Variants in THADA observed in about 807,000 individuals in gnomAD.
The protein encoded by THADA is tRNA (32-2'-O)-methyltransferase regulator THADA.
THADA carries 213 observed loss-of-function variants against 219.8 expected under a neutral mutation model. That is an observed-to-expected ratio of 0.97 (90% CI 0.87 to 1.09). THADA has a LOEUF of 1.09. Ranked by LOEUF, THADA falls within the 50% of genes least tolerant of loss-of-function variation. THADA has a pLI of 0.00. For synonymous variants in THADA, 1,018 were observed against 828.9 expected, an observed-to-expected ratio of 1.23 and a Z score of -3.92; for missense variants, 2,956 against 2,311.3, an observed-to-expected ratio of 1.28 and a Z score of -5.72.
chr2:43,460,238 T>TTAAA (rs1683465206), intron 26 of THADA, among the ~76,000 whole-genome samples: 1 of 63,514 alleles, frequency 1.6e-5, no homozygotes, highest in Non-Finnish European at 2.9e-5. Flanking sequence ...TTTCTCTTAA[T>TTAAA]AAAAAAAAAA....
intron 31 of THADA, among the ~76,000 whole-genome samples, chr2:43,317,566 C>G (rs1678225924): frequency 6.6e-6 from 1 of 152,176 alleles, no homozygotes; most frequent in Non-Finnish European, 1.5e-5. Context: ...TTTTGGGGAA[C>G]AATTTATAAA....
chr2:43,344,244 CA>C lies in THADA; in HGVS notation c.4228-8del, dbSNP rs773001861. The C allele has an allele frequency of 6.4e-7, 1 of 1,561,968 alleles. No individual in the cohort carries two copies. The highest frequency in any genetic ancestry group is 8.7e-7 in the Non-Finnish European group (1 of 1,152,798). On this transcript the variant is annotated splice_region_variant and splice_polypyrimidine_tract_variant and intron_variant, in intron 29 of 37. Transcript: ENST00000405975. Reference sequence around the variant, plus strand: ...CTTGCAACAAATGAAAAACCTAAACCAAAAAAGAAAAAAAAATCCTGCTGTG... The same window carrying C: ...CTTGCAACAAATGAAAAACCTAAACCAAAAAGAAAAAAAAATCCTGCTGTG...
chr2:43,514,173 A>G (rs1478876545), intron 22 of THADA, among the ~76,000 whole-genome samples: 2 of 151,806 alleles, frequency 1.3e-5, no homozygotes, highest in Admixed American at 6.6e-5. Flanking sequence ...CTTTCAGCCA[A>G]GCACGGTGGC....
chr2:43,470,536 C>T (rs564084369), intron 26 of THADA, among the ~76,000 whole-genome samples: 8 of 151,418 alleles, frequency 5.3e-5, no homozygotes, highest in South Asian at 2.1e-4. Flanking sequence ...CTCCTATAAG[C>T]GAAAAAGGGA....
chr2:43,557,019 G>A (rs1464961985), intron 16 of THADA, among the ~76,000 whole-genome samples: 5 of 152,174 alleles, frequency 3.3e-5, no homozygotes. Context: ...GGAGTTCATG[G>A]CTGCAGTGAG....
intron 20 of THADA, among the ~76,000 whole-genome samples, chr2:43,547,434 G>A: frequency 6.6e-6 from 1 of 152,216 alleles, no homozygotes; most frequent in Admixed American, 6.5e-5. Context: ...GATTGGGGAA[G>A]TTCTCCTGGA....
chr2:43,428,175 T>C lies in THADA; in HGVS notation c.3983A>G (p.Glu1328Gly). 6.2e-7 allele frequency: 1 copy of C among 1,609,470 alleles called. No homozygotes were observed. Among genetic ancestry groups the C allele is most frequent in the South Asian group, 1.1e-5 (1 of 90,430 alleles). ...PSMFLLLLVL[E>G]RLYASPMDGT... ...ATCCATCGGGGAAGCGTAGAGTCTC[T>C]CCAACACCAAAAGTAAGAGAAACAT... The change falls in exon 28 of 38, where the codon GAG becomes GGG. Residue 1328 changes from glutamate (E) to glycine (G), a missense_variant. Glu to Gly is a moderately conservative substitution (Grantham distance 98). Transcript: ENST00000405975.
intron 19 of THADA, among the ~76,000 whole-genome samples, chr2:43,549,860 C>G (rs1696544733): frequency 6.6e-6 from 1 of 151,768 alleles, no homozygotes; most frequent in South Asian, 2.1e-4. Flanking sequence ...TACAAGGTAT[C>G]AAAGTTTAAA....
At chr2:43,515,149 TTTATATATTATATATA>T (rs1691337074) in intron 22 of THADA, among the ~76,000 whole-genome samples, 2 of 798 alleles carry the variant, frequency 2.5e-3, no homozygotes, top group South Asian at 0.045. Flanking sequence ...TATAATATAT[TTTATATATTATATATA>T]ATATATTATA....
At chr2:43,261,854 C>T (rs186257245) in intron 36 of THADA, among the ~76,000 whole-genome samples, 2 of 152,264 alleles carry the variant, frequency 1.3e-5, no homozygotes, top group African/African-American at 2.4e-5. Flanking sequence ...CCAGGCTGGT[C>T]CCGAACTCTT....
intron 26 of THADA, among the ~76,000 whole-genome samples, chr2:43,436,198 A>C (rs1246831666): frequency 1.3e-5 from 2 of 152,192 alleles, no homozygotes; most frequent in African/African-American, 4.8e-5. Flanking sequence ...AGTAGGGAGC[A>C]ACTGGAAAAA....
rs768716443 is a variant in THADA, at chr2:43,592,365, G to C, written c.28C>G (p.Gln10Glu). The change falls in exon 2 of 38, where the codon CAA becomes GAA. Residue 10 changes from glutamine to glutamate, a missense_variant. Physicochemically the swap from Gln to Glu is conservative, Grantham distance 29 (BLOSUM62 2). Coordinates refer to ENST00000405975, the MANE Select transcript of THADA (RefSeq NM_022065.5). ...TGGCAAATGGTCAGCGCAGCAACTT[G>C]CATTTCTTTCTTCTTCTTTACACCC... MGVKKKKEMQVAALTICHQD... is the reference protein window; with the variant it reads MGVKKKKEMEVAALTICHQD... 2.5e-6 allele frequency: 4 copies of C among 1,607,278 alleles called. No homozygotes were observed. Among genetic ancestry groups the C allele is most frequent in the Non-Finnish European group, 3.4e-6 (4 of 1,176,818 alleles).
At chr2:43,403,936 T>G (rs764650772) in intron 28 of THADA, among the ~76,000 whole-genome samples, 2 of 152,184 alleles carry the variant, frequency 1.3e-5, no homozygotes, top group Admixed American at 1.3e-4. Flanking sequence ...AATGGTCATC[T>G]ACTGACAACC....
chr2:43,476,834 C>A (rs918915092), intron 26 of THADA, among the ~76,000 whole-genome samples: 1 of 152,088 alleles, frequency 6.6e-6, no homozygotes, highest in African/African-American at 2.4e-5. Flanking sequence ...ATGGTCAAAT[C>A]ATTGGGAAAA....
chr2:43,255,054 G>A (rs988133403), intron 36 of THADA, among the ~76,000 whole-genome samples: 1 of 152,186 alleles, frequency 6.6e-6, no homozygotes, highest in Admixed American at 6.5e-5. Context: ...TAACTATTTA[G>A]TAAGTTTGGG....
At chr2:43,272,070 C>T (rs1029493618) in intron 36 of THADA, among the ~76,000 whole-genome samples, 14 of 152,236 alleles carry the variant, frequency 9.2e-5, no homozygotes, top group Non-Finnish European at 2.1e-4. Flanking sequence ...GACACTGAAG[C>T]TGAGATTGGA....
At chr2:43,432,200 C>T (rs1433976416) in intron 26 of THADA, among the ~76,000 whole-genome samples, 2 of 151,698 alleles carry the variant, frequency 1.3e-5, no homozygotes, top group African/African-American at 4.9e-5. Context: ...CCGTGTTAGC[C>T]AGGATGGTCT....
intron 16 of THADA, among the ~76,000 whole-genome samples, chr2:43,559,603 G>A (rs1037465527): frequency 6.6e-6 from 1 of 152,206 alleles, no homozygotes; most frequent in Non-Finnish European, 1.5e-5. Flanking sequence ...GGGTCTGGAA[G>A]TCCCCTGCAG....
intron 4 of THADA, 40 bp downstream of exon 4, chr2:43,590,784 A>G: frequency 6.2e-7 from 1 of 1,601,080 alleles, no homozygotes; most frequent in Non-Finnish European, 8.5e-7. Context: ...GGTCAAATTC[A>G]ACATTTATAA....
Sources: gnomAD v4.1 joint callset for allele counts (sites outside exome capture counted in the v4.1 genomes callset) on GRCh38, gnomAD v4.1.1 for gene constraint, MANE v1.5 for transcripts, NCBI Gene and HGNC (gene_info 2026-07-23, HGNC 2026-07-21) for gene names.